The following BABAM2 variants were observed in gnomAD, a reference collection of about 807,000 sequenced individuals.
The protein encoded by BABAM2 is BRISC and BRCA1-A complex member 2.
Under a neutral mutation model 54.7 loss-of-function variants are expected in BABAM2, and 31 were observed. That is an observed-to-expected ratio of 0.57 (90% CI 0.43 to 0.77). The LOEUF (loss-of-function observed/expected upper bound fraction) is 0.77. BABAM2 is among the 30% of genes least tolerant of loss of function. BABAM2 has a pLI of 0.00. For missense variants in BABAM2, 364 were observed against 455.8 expected (o/e 0.80, Z 1.83); for synonymous variants, 167 against 162.9 (o/e 1.03, Z -0.19).
At chr2:28,226,921 G>A (rs1251330238) in intron 7 of BABAM2, among the ~76,000 whole-genome samples, 2 of 152,096 alleles carry the variant, frequency 1.3e-5, no homozygotes, top group African/African-American at 4.8e-5. Flanking sequence ...CAATGACAGA[G>A]GTTTTTGGTC....
chr2:28,222,033 T>C (rs951956080), intron 7 of BABAM2, among the ~76,000 whole-genome samples: 3 of 152,140 alleles, frequency 2.0e-5, no homozygotes, highest in Non-Finnish European at 4.4e-5. Flanking sequence ...CTTGGTCTTG[T>C]TGGGAAAGGG....
Position 28,176,569 on chromosome 2 carries a change from C to CAAAAAAAAAAAAAAAAA in BABAM2, c.680+47200_680+47216dup, listed in dbSNP as rs778275011. ...TGGGCAACACAGTGAGACTCTATCT[C>CAAAAAAAAAAAAAAAAA]AAAAAAAAAAAAAAAAAAAAAAAAA... is the stretch of plus-strand genomic sequence containing the variant. On this transcript the variant is annotated intron_variant, in intron 7 of 11. Transcript: ENST00000379624. Among the ~76,000 whole-genome samples the CAAAAAAAAAAAAAAAAA allele has an allele frequency of 6.9e-3, 35 of 5,040 alleles. 14 individuals carry two copies. Among genetic ancestry groups the CAAAAAAAAAAAAAAAAA allele is most frequent in the Admixed American group, 0.027 (4 of 148 alleles). 3.3% of individuals were successfully genotyped at this position (5,040 alleles called of 152,430 possible). A position where few individuals can be genotyped will look rare whatever the true frequency, so the allele number is the denominator to read the frequency against.
At chr2:27,906,541 A>G (rs150359115) in intron 2 of BABAM2, among the ~76,000 whole-genome samples, 49 of 152,308 alleles carry the variant, frequency 3.2e-4, no homozygotes, top group African/African-American at 7.0e-4. Flanking sequence ...CCTTAACCCA[A>G]TGAAGTCTGA....
intron 6 of BABAM2, among the ~76,000 whole-genome samples, chr2:28,116,287 C>T (rs1293188914): frequency 1.3e-5 from 2 of 152,070 alleles, no homozygotes; most frequent in Non-Finnish European, 2.9e-5. Context: ...GATATGGCTC[C>T]AGGCCTCTCT....
At position 28,244,782 on chromosome 2, in the gene BABAM2, G is replaced by T; in HGVS notation, c.854G>T (p.Gly285Val). 6.2e-7 allele frequency: 1 copy of T among 1,613,254 alleles called. No homozygotes were observed. Among genetic ancestry groups the T allele is most frequent in the Non-Finnish European group, 8.5e-7 (1 of 1,179,662 alleles). The stretch of plus-strand genomic sequence containing the variant: ...GTGTGTATGTTTTTATTACTTAGAG[G>T]TGTCGTGGAATATGATGCAGAAGGC... ...IAAFLSHFGT[G>V]VVEYDAEGFT... The change falls in exon 10 of 12, where the codon GGT becomes GTT. Residue 285 changes from glycine (G) to valine (V), a missense_variant and splice_region_variant. Gly to Val is a moderately radical substitution (Grantham distance 109). Transcript: ENST00000379624.
rs1308375648 is a variant in BABAM2 at position 28,131,062 on chromosome 2, T to TTGAAAATACTGACCCA, written c.680+1683_680+1684insGAAAATACTGACCCAT. Among the ~76,000 whole-genome samples the TTGAAAATACTGACCCA allele has an allele frequency of 2.2e-3, 13 of 5,852 alleles. 2 individuals are homozygous for TTGAAAATACTGACCCA. Among genetic ancestry groups the TTGAAAATACTGACCCA allele is most frequent in the Non-Finnish European group, 3.4e-3 (3 of 888 alleles). The allele number at this position is 5,852 out of a possible 152,430, so 3.8% of individuals were successfully genotyped here. A position where few individuals can be genotyped will look rare whatever the true frequency, so the allele number is the denominator to read the frequency against. Reference sequence around the variant, plus strand: ...GGCCCCAAAGAGTGTTTTATTATTATTATTATTATTATTATTATTTTTTTT... The same window carrying TTGAAAATACTGACCCA: ...GGCCCCAAAGAGTGTTTTATTATTATTGAAAATACTGACCCATATTATTATTATTATTATTTTTTTT... On this transcript the variant is annotated intron_variant, in intron 7 of 11. Coordinates refer to ENST00000379624, the MANE Select transcript of BABAM2 (RefSeq NM_199191.3).
chr2:28,232,530 A>G (rs1486393086), intron 7 of BABAM2, among the ~76,000 whole-genome samples: 1 of 152,168 alleles, frequency 6.6e-6, no homozygotes. Flanking sequence ...GAATGTACCA[A>G]CCCAAACCTA....
intron 6 of BABAM2, among the ~76,000 whole-genome samples, chr2:28,053,583 TGA>T (rs1031700785): frequency 6.6e-6 from 1 of 152,124 alleles, no homozygotes; most frequent in Non-Finnish European, 1.5e-5. Flanking sequence ...AAGAAAGCAG[TGA>T]GATGGTCTGA....
chr2:27,924,134 T>C (rs1667515720), intron 2 of BABAM2, among the ~76,000 whole-genome samples: 1 of 152,192 alleles, frequency 6.6e-6, no homozygotes, highest in South Asian at 2.1e-4. Context: ...ACTATTTCCA[T>C]GTATTTTTAA....
chr2:28,026,556 G>C (rs935341816), intron 5 of BABAM2, among the ~76,000 whole-genome samples: 1 of 150,546 alleles, frequency 6.6e-6, no homozygotes, highest in African/African-American at 2.5e-5. Context: ...CACAGGAAGG[G>C]GAACATCACA....
chr2:27,987,396 A>G (rs186880793), intron 3 of BABAM2, among the ~76,000 whole-genome samples: 7 of 152,346 alleles, frequency 4.6e-5, no homozygotes, highest in South Asian at 2.1e-4. Context: ...CAGTAATGTT[A>G]CCTGTAAAAA....
chr2:28,030,009 T>C (rs920303988), intron 5 of BABAM2, among the ~76,000 whole-genome samples: 1 of 152,362 alleles, frequency 6.6e-6, no homozygotes, highest in Middle Eastern at 3.4e-3. Context: ...TCTTTAGTGC[T>C]GACAGGCTCA....
At chr2:28,050,824 G>C (rs904178487) in intron 6 of BABAM2, among the ~76,000 whole-genome samples, 9 of 152,146 alleles carry the variant, frequency 5.9e-5, no homozygotes, top group Non-Finnish European at 1.3e-4. Flanking sequence ...CAAGGCTGGA[G>C]GGGAGGAGGA....
At chr2:27,972,053 CAT>C (rs1444933996) in intron 3 of BABAM2, among the ~76,000 whole-genome samples, 6 of 152,142 alleles carry the variant, frequency 3.9e-5, no homozygotes, top group African/African-American at 1.4e-4. Context: ...TCATTTAAAA[CAT>C]ATTACATCTG....
chr2:28,052,107 G>A (rs765180194), intron 6 of BABAM2, among the ~76,000 whole-genome samples: 1 of 152,146 alleles, frequency 6.6e-6, no homozygotes, highest in African/African-American at 2.4e-5. Flanking sequence ...AGGCCAGATT[G>A]TTGGTGTTCA....
At chr2:28,284,052 AACTC>A (rs1161671596) in intron 10 of BABAM2, among the ~76,000 whole-genome samples, 3 of 152,212 alleles carry the variant, frequency 2.0e-5, no homozygotes, top group Non-Finnish European at 2.9e-5. Flanking sequence ...CAAGTCAGGC[AACTC>A]ACTCAAGTCA....
chr2:28,300,138 T>C (rs1217644871), intron 11 of BABAM2, among the ~76,000 whole-genome samples: 8 of 151,964 alleles, frequency 5.3e-5, no homozygotes, highest in African/African-American at 1.9e-4. Context: ...GGGGTTTTGC[T>C]ATGTTGGCCA....
chr2:28,133,918 C>T (rs1034045221), intron 7 of BABAM2, among the ~76,000 whole-genome samples: 20 of 152,134 alleles, frequency 1.3e-4, no homozygotes, highest in Admixed American at 5.9e-4. Context: ...TGCCCAGGGT[C>T]GTGGAATAGT....
chr2:28,190,636 G>A (rs980679175), intron 7 of BABAM2, among the ~76,000 whole-genome samples: 5 of 152,126 alleles, frequency 3.3e-5, no homozygotes, highest in African/African-American at 1.2e-4. Context: ...ATGGAGAGCC[G>A]AGATGGCGCC....
Sources: allele counts gnomAD v4.1 joint callset (sites outside exome capture counted in the v4.1 genomes callset), GRCh38; gene constraint gnomAD v4.1.1; transcripts MANE v1.5; gene names NCBI Gene and HGNC (gene_info 2026-07-23, HGNC 2026-07-21).